ULK2: variants seen among roughly 807,000 people sequenced by gnomAD.
The protein encoded by ULK2 is unc-51 like autophagy activating kinase 2.
ULK2 carries 76 observed loss-of-function variants against 127.5 expected under a neutral mutation model. The observed-to-expected ratio is 0.60, with a 90% CI of 0.50 to 0.72. The LOEUF (loss-of-function observed/expected upper bound fraction) is 0.72. ULK2 is among the 30% of genes least tolerant of loss of function. The pLI is 0.00. For missense variants in ULK2, 1,144 were observed against 1,295.9 expected (o/e 0.88, Z 1.80); for synonymous variants, 452 against 461.9 (o/e 0.98, Z 0.28).
chr17:19,821,921 A>AGCAATCCAAGGTT (rs1288681503), intron 12 of ULK2, among the ~76,000 whole-genome samples: 9 of 151,718 alleles, frequency 5.9e-5, no homozygotes, highest in Non-Finnish European at 1.0e-4. Flanking sequence ...CCTGGGCTCA[A>AGCAATCCAAGGTT]GCAATCCTCC....
chr17:19,860,010 C>T lies in ULK2; in HGVS notation c.225+4793G>A, dbSNP rs576370679. Among the ~76,000 whole-genome samples, 67 of 152,206 alleles carry T rather than the reference C, an allele frequency of 4.4e-4. 1 individual carries two copies. Among genetic ancestry groups the T allele is most frequent in the Admixed American group, 5.9e-4 (9 of 15,268 alleles). On this transcript the variant is annotated intron_variant, in intron 3 of 26. Transcript: ENST00000395544. Reference sequence around the variant, plus strand: ...GTTTTAAGTAAATTATCATTTAGCCCTACAATACTATACTGATTATGAAAA... The same window carrying T: ...GTTTTAAGTAAATTATCATTTAGCCTTACAATACTATACTGATTATGAAAA...
intron 3 of ULK2, among the ~76,000 whole-genome samples, chr17:19,851,430 G>A (rs1168637726): frequency 1.1e-4 from 16 of 151,484 alleles, no homozygotes. Context: ...CTGAGGTCTG[G>A]AGTTCAAGAC....
chr17:19,841,460 G>GT, intron 9 of ULK2, 29 bp downstream of exon 9: 1 of 1,561,492 alleles, frequency 6.4e-7, no homozygotes, highest in Non-Finnish European at 8.6e-7. Context: ...TTCACAAATA[G>GT]TAAAACCCAG....
chr17:19,846,639 C>CAA (rs140413803), intron 6 of ULK2, 98 bp downstream of exon 6: 1,480 of 1,135,910 alleles, frequency 1.3e-3, no homozygotes, highest in East Asian at 3.8e-3. Context: ...GACTCCATCT[C>CAA]AAAAAAAAAA....
intron 20 of ULK2, among the ~76,000 whole-genome samples, chr17:19,795,004 G>A (rs1031993205): frequency 1.6e-4 from 25 of 152,012 alleles, no homozygotes; most frequent in Middle Eastern, 3.4e-3. Flanking sequence ...GTGTGAACCC[G>A]GGAGGCGGAG....
chr17:19,825,303 T>C (rs1029398760), intron 11 of ULK2, 121 bp from the exon 12 acceptor site: 12 of 720,798 alleles, frequency 1.7e-5, no homozygotes, highest in Non-Finnish European at 2.8e-5. Context: ...CATTTACCTA[T>C]TTATTACCAC....
Position 19,774,820 on chromosome 17 carries a change from T to G in ULK2, c.*1529A>C, listed in dbSNP as rs2152380055. On this transcript the variant is annotated 3_prime_UTR_variant, in exon 27 of 27. Transcript: ENST00000395544. ...AATAAAAAGGCTATTACACAACAAT[T>G]CAGTGAGTTTTACCTAGTTTCAAGA... 1 of 152,770 alleles carries G rather than the reference T, an allele frequency of 6.5e-6. No individual in the cohort carries two copies. The highest frequency in any genetic ancestry group is 1.9e-4 in the East Asian group (1 of 5,186). The allele number at this position is 152,770 out of a possible 1,614,324, so 9.5% of individuals were successfully genotyped here.
At chr17:19,779,298 A>G (rs2086869008) in intron 25 of ULK2, among the ~76,000 whole-genome samples, 1 of 152,108 alleles carries the variant, frequency 6.6e-6, no homozygotes, top group Non-Finnish European at 1.5e-5. Context: ...TGGGAGGCCG[A>G]GGTGGGTGGA....
chr17:19,777,693 C>T lies in ULK2; in HGVS notation c.2940G>A (p.Glu980=). 9 of 1,613,540 alleles carry T rather than the reference C, an allele frequency of 5.6e-6. No individual in the cohort carries two copies. Among genetic ancestry groups the T allele is most frequent in the Non-Finnish European group, 6.8e-6 (8 of 1,179,870 alleles). ...CAATATCTTCGGTCTGCTGAAACATCTCATCCAGGGCTGCAGACTGAACCT... is the reference window on the plus strand; with the variant it reads ...CAATATCTTCGGTCTGCTGAAACATTTCATCCAGGGCTGCAGACTGAACCT... ...VEMVQSAALD[E]MFQQTEDIVY... Residue 980 remains glutamate (E), a synonymous_variant, in exon 26 of 27, where the codon GAG becomes GAA. Coordinates refer to ENST00000395544, the MANE Select transcript of ULK2 (RefSeq NM_014683.4).
At chr17:19,788,443 C>T (rs2087082255) in intron 20 of ULK2, among the ~76,000 whole-genome samples, 1 of 151,920 alleles carries the variant, frequency 6.6e-6, no homozygotes, top group African/African-American at 2.4e-5. Flanking sequence ...TTCCTGTTGA[C>T]ATTTCTAAAC....
At chr17:19,836,357 C>T (rs560274165) in intron 10 of ULK2, among the ~76,000 whole-genome samples, 1 of 152,008 alleles carries the variant, frequency 6.6e-6, no homozygotes, top group East Asian at 1.9e-4. Context: ...TGCAGTGAGC[C>T]GAGATCGCGC....
chr17:19,785,109 T>C (rs1390814413), intron 21 of ULK2, among the ~76,000 whole-genome samples: 1 of 152,112 alleles, frequency 6.6e-6, no homozygotes, highest in Non-Finnish European at 1.5e-5. Flanking sequence ...ATTAACCTAT[T>C]TACAGATTAT....
intron 16 of ULK2, among the ~76,000 whole-genome samples, chr17:19,800,156 C>T (rs1268254353): frequency 6.6e-6 from 1 of 152,230 alleles, no homozygotes; most frequent in Non-Finnish European, 1.5e-5. Flanking sequence ...TTCCTGCCCT[C>T]CTTTTCCAGG....
chr17:19,810,132 G>A (rs890218053), intron 14 of ULK2, among the ~76,000 whole-genome samples: 5 of 151,010 alleles, frequency 3.3e-5, no homozygotes, highest in Admixed American at 1.3e-4. Context: ...TCGGGAGGCT[G>A]AGGCAGGAGA....
chr17:19,777,547 G>A, intron 26 of ULK2, 34 bp downstream of exon 26: 1 of 1,575,792 alleles, frequency 6.3e-7, no homozygotes, highest in Middle Eastern at 1.7e-4. Context: ...CTAAAATGAA[G>A]TAAAAAAATA....
At chr17:19,782,879 G>A (rs2086948886) in intron 22 of ULK2, among the ~76,000 whole-genome samples, 1 of 152,060 alleles carries the variant, frequency 6.6e-6, no homozygotes, top group Non-Finnish European at 1.5e-5. Context: ...TCGCACCACT[G>A]CATTCCAACC....
At chr17:19,857,654 C>A (rs2042162130) in intron 3 of ULK2, among the ~76,000 whole-genome samples, 1 of 152,150 alleles carries the variant, frequency 6.6e-6, no homozygotes, top group Non-Finnish European at 1.5e-5. Context: ...GTTATGTATT[C>A]CTAAGTGAAA....
At chr17:19,828,330 G>A (rs756428488) in intron 10 of ULK2, among the ~76,000 whole-genome samples, 8 of 152,108 alleles carry the variant, frequency 5.3e-5, no homozygotes, top group African/African-American at 1.2e-4. Context: ...GAAGATCTCC[G>A]GAAAAGATAA....
At chr17:19,858,187 C>T (rs1210101695) in intron 3 of ULK2, among the ~76,000 whole-genome samples, 1 of 151,900 alleles carries the variant, frequency 6.6e-6, no homozygotes, top group African/African-American at 2.4e-5. Context: ...GTCGCTTAAG[C>T]TCAGAAGTTT....
Sources: gnomAD v4.1 joint callset for allele counts (sites outside exome capture counted in the v4.1 genomes callset) on GRCh38, gnomAD v4.1.1 for gene constraint, MANE v1.5 for transcripts, NCBI Gene and HGNC (gene_info 2026-07-23, HGNC 2026-07-21) for gene names.